The following ZNF385D variants were observed in gnomAD, a reference collection of about 807,000 sequenced individuals.
ZNF385D encodes the protein zinc finger protein 385D.
ZNF385D carries 15 observed loss-of-function variants against 35.8 expected under a neutral mutation model. That is an observed-to-expected ratio of 0.42 (90% CI 0.28 to 0.64). The LOEUF is 0.64. Among genes scored for constraint, ZNF385D ranks in the 30% least tolerant of loss-of-function variants. The pLI, the probability that ZNF385D is intolerant of heterozygous loss-of-function variation, is 0.23. For synonymous variants in ZNF385D, 212 were observed against 186.8 expected (o/e 1.13, Z -1.10); for missense variants, 474 against 494.6 (o/e 0.96, Z 0.39).
At chr3:22,147,699 C>T (rs1704949493) in intron 3 of ZNF385D, among the ~76,000 whole-genome samples, 1 of 152,072 alleles carries the variant, frequency 6.6e-6, no homozygotes, top group Non-Finnish European at 1.5e-5. Flanking sequence ...GGCCCAAGGG[C>T]ATTAAGTAAT....
chr3:22,190,256 G>A (rs77176632), intron 2 of ZNF385D, among the ~76,000 whole-genome samples: 3,368 of 152,266 alleles, frequency 0.022, 122 homozygotes, highest in African/African-American at 0.076. Context: ...AGTTCAGGCT[G>A]ACATTCTGTC....
At chr3:22,006,944 A>C (rs915724982) in intron 3 of ZNF385D, among the ~76,000 whole-genome samples, 3 of 152,094 alleles carry the variant, frequency 2.0e-5, no homozygotes, top group African/African-American at 7.2e-5. Context: ...TGTGAGGAAA[A>C]AAAAAGTCAT....
chr3:21,480,402 C>G (rs1163405023), intron 4 of ZNF385D, among the ~76,000 whole-genome samples: 2 of 152,056 alleles, frequency 1.3e-5, no homozygotes, highest in Non-Finnish European at 2.9e-5. Context: ...CGTGCCCAGC[C>G]TGAAAATTTT....
chr3:22,141,131 T>A (rs931547892), intron 3 of ZNF385D, among the ~76,000 whole-genome samples: 4 of 152,158 alleles, frequency 2.6e-5, no homozygotes, highest in Non-Finnish European at 5.9e-5. Flanking sequence ...CTTAAAAACA[T>A]AAGAGAGGTT....
At chr3:21,664,625 T>C (rs1010699474) in intron 2 of ZNF385D, among the ~76,000 whole-genome samples, 1 of 152,200 alleles carries the variant, frequency 6.6e-6, no homozygotes, top group African/African-American at 2.4e-5. Flanking sequence ...GAATTGTTGC[T>C]GTTGCCCAGA....
chr3:22,276,399 A>G (rs76258961), intron 2 of ZNF385D, among the ~76,000 whole-genome samples: 6,767 of 152,140 alleles, frequency 0.044, 200 homozygotes, highest in African/African-American at 0.076. Context: ...TAGTGATCTC[A>G]TGAAGTGGTA....
chr3:21,969,188 C>T (rs890054040), intron 3 of ZNF385D, among the ~76,000 whole-genome samples: 4 of 152,118 alleles, frequency 2.6e-5, no homozygotes, highest in Admixed American at 6.5e-5. Context: ...GGTGGCAGCT[C>T]AGCCACAGTA....
chr3:21,631,134 TACTC>T (rs1559474233), intron 2 of ZNF385D, among the ~76,000 whole-genome samples: 1 of 152,026 alleles, frequency 6.6e-6, no homozygotes, highest in African/African-American at 2.4e-5. Context: ...GAGGTATACA[TACTC>T]ACATGAAAAC....
At chr3:22,298,198 T>A (rs1481862406) in intron 2 of ZNF385D, among the ~76,000 whole-genome samples, 1 of 151,806 alleles carries the variant, frequency 6.6e-6, no homozygotes, top group African/African-American at 2.4e-5. Flanking sequence ...GCTAAGAATT[T>A]CAAAAGACAC....
At chr3:22,310,051 C>T (rs9809739) in intron 2 of ZNF385D, among the ~76,000 whole-genome samples, 2 of 151,862 alleles carry the variant, frequency 1.3e-5, no homozygotes, top group African/African-American at 2.4e-5. Context: ...TTGATCCAAG[C>T]AGAAATAAGA....
chr3:22,290,343 T>G (rs1246226224), intron 2 of ZNF385D, among the ~76,000 whole-genome samples: 2 of 152,122 alleles, frequency 1.3e-5, no homozygotes, highest in African/African-American at 2.4e-5. Context: ...CCCAAGGAGC[T>G]AATTGTCCAC....
intron 3 of ZNF385D, among the ~76,000 whole-genome samples, chr3:22,159,988 A>G (rs916863451): frequency 3.3e-5 from 5 of 151,926 alleles, no homozygotes; most frequent in Admixed American, 2.0e-4. Flanking sequence ...CCCACGTGTC[A>G]AAGGAGAGAC....
intron 1 of ZNF385D, among the ~76,000 whole-genome samples, chr3:21,738,411 C>A (rs1031557468): frequency 6.6e-6 from 1 of 152,156 alleles, no homozygotes; most frequent in Non-Finnish European, 1.5e-5. Flanking sequence ...TCTTCCATAA[C>A]AGGGCTGTTG....
At chr3:22,175,844 A>C (rs1467997502) in intron 2 of ZNF385D, among the ~76,000 whole-genome samples, 1 of 150,260 alleles carries the variant, frequency 6.7e-6, no homozygotes, top group African/African-American at 2.4e-5. Context: ...TCAGTAGTGA[A>C]TCTTCCTCTA....
chr3:21,980,636 G>T (rs960157466), intron 3 of ZNF385D, among the ~76,000 whole-genome samples: 3 of 152,034 alleles, frequency 2.0e-5, no homozygotes, highest in Middle Eastern at 3.2e-3. Flanking sequence ...TGTCCCAGGG[G>T]TTTGTTGTAC....
intron 3 of ZNF385D, among the ~76,000 whole-genome samples, chr3:22,163,552 A>G (rs932007271): frequency 1.3e-5 from 2 of 152,174 alleles, no homozygotes; most frequent in Admixed American, 1.3e-4. Context: ...TTTTTGTAGT[A>G]TATAATAGAC....
At chr3:21,451,869 T>C (rs1382661706) in intron 4 of ZNF385D, among the ~76,000 whole-genome samples, 2 of 152,074 alleles carry the variant, frequency 1.3e-5, no homozygotes, top group Non-Finnish European at 2.9e-5. Context: ...GGCAAAGCCA[T>C]TATCAGCATC....
At chr3:21,820,399 A>G (rs1445418289) in intron 3 of ZNF385D, among the ~76,000 whole-genome samples, 1 of 151,912 alleles carries the variant, frequency 6.6e-6, no homozygotes, top group Non-Finnish European at 1.5e-5. Flanking sequence ...GTAAATTATA[A>G]AAGGCTTAAA....
rs1308435403 is a variant in ZNF385D, at chr3:21,646,367, A to G, written c.165+18519T>C. ...CTTACAACAGTGCTGCACACGATTA[A>G]TCTGACTTCACAGTGAGACGCTGAG... On this transcript the variant is annotated intron_variant, in intron 2 of 7. Transcript: ENST00000281523. The surrounding 1 kb of genome is among the most constrained non-coding windows in gnomAD (Gnocchi z 4.3). Among the ~76,000 whole-genome samples, 1 of 152,176 alleles carries G rather than the reference A, an allele frequency of 6.6e-6. No homozygotes were observed. Among genetic ancestry groups the G allele is most frequent in the Non-Finnish European group, 1.5e-5 (1 of 68,016 alleles).
Sources: allele counts gnomAD v4.1 joint callset (sites outside exome capture counted in the v4.1 genomes callset), GRCh38; gene constraint gnomAD v4.1.1; non-coding constraint Gnocchi (gnomAD v3.1); transcripts MANE v1.5; gene names NCBI Gene and HGNC (gene_info 2026-07-23, HGNC 2026-07-21).